The following TRAPPC9 variants were observed in gnomAD, a reference collection of about 807,000 sequenced individuals.
TRAPPC9 encodes the protein trafficking protein particle complex subunit 9, also known as IKK2 binding protein.
TRAPPC9 carries 83 observed loss-of-function variants against 124.0 expected under a neutral mutation model. The ratio of observed to expected loss-of-function variants is 0.67; its 90% CI spans 0.56 to 0.80. The LOEUF is 0.80. TRAPPC9 is among the 30% of genes least tolerant of loss of function. The pLI, the probability that TRAPPC9 is intolerant of heterozygous loss-of-function variation, is 0.00. For missense variants in TRAPPC9, 1,302 were observed against 1,508.3 expected, an observed-to-expected ratio of 0.86 and a Z score of 2.27; for synonymous variants, 638 against 617.5, an observed-to-expected ratio of 1.03 and a Z score of -0.49.
At chr8:140,181,251 A>G (rs528286893) in intron 17 of TRAPPC9, among the ~76,000 whole-genome samples, 1 of 152,050 alleles carries the variant, frequency 6.6e-6, no homozygotes, top group East Asian at 1.9e-4. Context: ...ACCACCATAT[A>G]TCTATTTTGA....
chr8:140,426,534 AT>A, intron 5 of TRAPPC9, 80 bp downstream of exon 5: 1 of 1,339,176 alleles, frequency 7.5e-7, no homozygotes, highest in Non-Finnish European at 1.1e-6. Flanking sequence ...TCATCCAGAA[AT>A]TTTAACCATT....
chr8:140,369,986 G>T (rs1277146121), intron 8 of TRAPPC9, among the ~76,000 whole-genome samples: 1 of 152,044 alleles, frequency 6.6e-6, no homozygotes, highest in Non-Finnish European at 1.5e-5. Context: ...GGATGCCGAA[G>T]AACCCATTTT....
At chr8:140,153,440 T>A (rs1270369129) in intron 17 of TRAPPC9, among the ~76,000 whole-genome samples, 1 of 152,144 alleles carries the variant, frequency 6.6e-6, no homozygotes, top group African/African-American at 2.4e-5. Flanking sequence ...AAATGCAATG[T>A]AGGTAAGCTT....
intron 17 of TRAPPC9, among the ~76,000 whole-genome samples, chr8:140,112,038 G>C (rs1054037834): frequency 6.6e-6 from 1 of 152,260 alleles, no homozygotes; most frequent in Non-Finnish European, 1.5e-5. Context: ...TCTTTGGGTA[G>C]CCCTTCTCCT....
chr8:139,988,216 G>A (rs893579874), intron 19 of TRAPPC9, among the ~76,000 whole-genome samples: 44 of 150,424 alleles, frequency 2.9e-4, no homozygotes, highest in South Asian at 2.1e-4. Context: ...GGGTTCAAGC[G>A]ATTCTCCTGC....
intron 17 of TRAPPC9, among the ~76,000 whole-genome samples, chr8:140,075,716 G>A (rs1843468905): frequency 6.6e-6 from 1 of 152,218 alleles, no homozygotes; most frequent in African/African-American, 2.4e-5. Flanking sequence ...GAAAAGAAGA[G>A]GCTGCCAAGT....
At chr8:140,284,131 C>T (rs562629168) in intron 13 of TRAPPC9, 110 bp from the exon 14 acceptor site, 64 of 1,481,926 alleles carry the variant, frequency 4.3e-5, no homozygotes, top group Non-Finnish European at 4.8e-5. Flanking sequence ...ACCTGAGTTC[C>T]GAAGCTGCCC....
intron 19 of TRAPPC9, among the ~76,000 whole-genome samples, chr8:139,913,695 G>A (rs1021418509): frequency 6.6e-5 from 10 of 152,276 alleles, no homozygotes; most frequent in South Asian, 2.1e-4. Context: ...CCCAAAGGCC[G>A]CGTTCCTTTT....
At chr8:140,421,319 T>C (rs931900914) in intron 5 of TRAPPC9, among the ~76,000 whole-genome samples, 5 of 152,228 alleles carry the variant, frequency 3.3e-5, no homozygotes, top group African/African-American at 7.2e-5. Context: ...TGGGCACTAA[T>C]TACTTTAATG....
chr8:140,221,684 C>G (rs2063342180), intron 16 of TRAPPC9, 101 bp from the exon 17 acceptor site: 2 of 1,463,364 alleles, frequency 1.4e-6, no homozygotes, highest in Admixed American at 4.0e-5. Context: ...GTCGCACAAG[C>G]TGGAGTGCAG....
At chr8:140,328,486 T>C (rs1588157742) in intron 9 of TRAPPC9, among the ~76,000 whole-genome samples, 1 of 151,772 alleles carries the variant, frequency 6.6e-6, no homozygotes, top group Non-Finnish European at 1.5e-5. Flanking sequence ...AACTCAAGAA[T>C]GTAAAATCAA....
chr8:140,211,329 C>T (rs923381404), intron 17 of TRAPPC9, among the ~76,000 whole-genome samples: 1 of 152,182 alleles, frequency 6.6e-6, no homozygotes, highest in African/African-American at 2.4e-5. Flanking sequence ...TAGACCGAGG[C>T]AGGTGAATTA....
At chr8:140,442,445 A>C (rs2132647581) in intron 2 of TRAPPC9, among the ~76,000 whole-genome samples, 1 of 151,972 alleles carries the variant, frequency 6.6e-6, no homozygotes, top group East Asian at 2.0e-4. Context: ...TGAAAATACA[A>C]AAAATTAGCC....
At chr8:140,297,408 TAC>T in intron 11 of TRAPPC9, among the ~76,000 whole-genome samples, 1 of 151,782 alleles carries the variant, frequency 6.6e-6, no homozygotes, top group East Asian at 1.9e-4. Flanking sequence ...TACAGATGCA[TAC>T]ACATATACAC....
chr8:140,264,582 A>AAG (rs1364085958), intron 15 of TRAPPC9, among the ~76,000 whole-genome samples: 1 of 138,914 alleles, frequency 7.2e-6, no homozygotes, highest in Non-Finnish European at 1.5e-5. Context: ...CGGGGGAAAG[A>AAG]AGAGAGAGAG....
intron 15 of TRAPPC9, among the ~76,000 whole-genome samples, chr8:140,264,609 A>C (rs1588041079): frequency 3.9e-5 from 3 of 75,980 alleles, no homozygotes; most frequent in East Asian, 3.3e-4. Context: ...GGGAGGGGGA[A>C]GGGAGAGAGA....
chr8:140,024,976 G>A (rs1452935168), intron 17 of TRAPPC9, among the ~76,000 whole-genome samples: 2 of 152,180 alleles, frequency 1.3e-5, no homozygotes, highest in Non-Finnish European at 2.9e-5. Context: ...GGAGAGGCAG[G>A]GTGCTGCACA....
intron 20 of TRAPPC9, among the ~76,000 whole-genome samples, chr8:139,908,058 C>T (rs1476245175): frequency 1.3e-5 from 2 of 152,204 alleles, no homozygotes; most frequent in African/African-American, 4.8e-5. Context: ...TGGGAGGCAG[C>T]AGCTCTGACA....
intron 21 of TRAPPC9, among the ~76,000 whole-genome samples, chr8:139,785,653 C>T (rs1331269342): frequency 4.0e-5 from 6 of 151,182 alleles, no homozygotes; most frequent in African/African-American, 7.3e-5. Context: ...CGCTTGAACC[C>T]GTGAGGTGGA....
Sources: gnomAD v4.1 joint callset for allele counts (sites outside exome capture counted in the v4.1 genomes callset) on GRCh38, gnomAD v4.1.1 for gene constraint, MANE v1.5 for transcripts, NCBI Gene and HGNC (gene_info 2026-07-23, HGNC 2026-07-21) for gene names.